TPRG1: variants seen among roughly 807,000 people sequenced by gnomAD.
The protein encoded by TPRG1 is tumor protein p63 regulated 1.
A neutral mutation model predicts 29.3 loss-of-function variants in TPRG1; 29 were observed. The ratio of observed to expected loss-of-function variants is 0.99; its 90% CI spans 0.74 to 1.35. TPRG1 has a LOEUF of 1.35. Ranked by LOEUF, TPRG1 falls within the 40% of genes most tolerant of loss-of-function variation. The pLI is 0.00. For synonymous variants in TPRG1, 130 were observed against 116.8 expected, an observed-to-expected ratio of 1.11 and a Z score of -0.73; for missense variants, 327 against 335.0, an observed-to-expected ratio of 0.98 and a Z score of 0.19.
intron 4 of TPRG1, among the ~76,000 whole-genome samples, chr3:189,278,640 T>G (rs1487814241): frequency 6.6e-6 from 1 of 152,244 alleles, no homozygotes; most frequent in Non-Finnish European, 1.5e-5. Flanking sequence ...CGTCAAGATC[T>G]AACATAGCCT....
At position 189,255,007 on chromosome 3, in the gene TPRG1, C is replaced by G. The variant is rs12492297; in HGVS notation, c.479+16098C>G. 2.6e-3 allele frequency among the ~76,000 whole-genome samples: 394 copies of G among 152,034 alleles called. 5 individuals carry two copies. Among genetic ancestry groups the G allele is most frequent in the Admixed American group, 0.023 (351 of 15,256 alleles). On this transcript the variant is annotated intron_variant, in intron 4 of 5. Transcript: ENST00000345063. ...ACTTCCTCTCTTCATATTTGAATACCCTTTATTTATTTCTCTTGCCTGATT... is the reference window on the plus strand; with the variant it reads ...ACTTCCTCTCTTCATATTTGAATACGCTTTATTTATTTCTCTTGCCTGATT...
At chr3:189,157,876 G>A (rs912706639) in intron 5 of TPRG1, among the ~76,000 whole-genome samples, 4 of 152,154 alleles carry the variant, frequency 2.6e-5, no homozygotes, top group African/African-American at 9.7e-5. Flanking sequence ...AATCTGGCCT[G>A]TCTGATAGCA....
intron 1 of TPRG1, among the ~76,000 whole-genome samples, chr3:189,197,919 T>C (rs1479087605): frequency 6.6e-6 from 1 of 152,170 alleles, no homozygotes; most frequent in African/African-American, 2.4e-5. Context: ...GTTAACCCCA[T>C]GAAATTCTTA....
chr3:189,296,227 A>G (rs906645818), intron 4 of TPRG1, among the ~76,000 whole-genome samples: 1 of 152,224 alleles, frequency 6.6e-6, no homozygotes, highest in African/African-American at 2.4e-5. Context: ...CAAAGATGGA[A>G]TTTAACTGTG....
At chr3:189,088,574 G>T (rs941242217) in intron 4 of TPRG1, among the ~76,000 whole-genome samples, 1 of 151,872 alleles carries the variant, frequency 6.6e-6, no homozygotes, top group East Asian at 1.9e-4. Context: ...CAAATGTCGG[G>T]GTTACTTCCA....
At chr3:189,067,793 C>A (rs1163890560) in intron 4 of TPRG1, among the ~76,000 whole-genome samples, 17 of 152,116 alleles carry the variant, frequency 1.1e-4, no homozygotes, top group Admixed American at 1.1e-3. Flanking sequence ...AACCCATAAG[C>A]ACAGGTAGTC....
intron 3 of TPRG1, among the ~76,000 whole-genome samples, chr3:189,016,922 A>T (rs2152123688): frequency 6.6e-6 from 1 of 152,278 alleles, no homozygotes; most frequent in East Asian, 1.9e-4. Context: ...TCTCTATAGC[A>T]GTGTGAAAAC....
intron 4 of TPRG1, among the ~76,000 whole-genome samples, chr3:189,286,194 CT>C (rs1007928812): frequency 6.6e-6 from 1 of 151,426 alleles, no homozygotes; most frequent in African/African-American, 2.4e-5. Flanking sequence ...ATCACTCCCT[CT>C]TTTTTTTTAG....
intron 4 of TPRG1, among the ~76,000 whole-genome samples, chr3:189,043,149 C>T (rs1483764794): frequency 6.6e-6 from 1 of 152,150 alleles, no homozygotes; most frequent in Non-Finnish European, 1.5e-5. Flanking sequence ...AGAAGGAAAA[C>T]TATATATAGA....
At chr3:189,141,590 C>T (rs2108568576) in intron 3 of TPRG1, among the ~76,000 whole-genome samples, 1 of 152,270 alleles carries the variant, frequency 6.6e-6, no homozygotes. Context: ...AAAATAATTA[C>T]ATTACTATGG....
chr3:189,122,208 C>T (rs570019600), intron 1 of TPRG1, among the ~76,000 whole-genome samples: 1 of 152,224 alleles, frequency 6.6e-6, no homozygotes, highest in African/African-American at 2.4e-5. Flanking sequence ...CATGTTCTTA[C>T]TCTTTTTAAA....
chr3:189,156,609 G>T (rs1461515294), intron 5 of TPRG1, among the ~76,000 whole-genome samples: 1 of 152,150 alleles, frequency 6.6e-6, no homozygotes, highest in Non-Finnish European at 1.5e-5. Flanking sequence ...TTCTGCTCGG[G>T]CTATGCTAAG....
intron 3 of TPRG1, among the ~76,000 whole-genome samples, chr3:189,019,310 A>T (rs1262247320): frequency 6.6e-6 from 1 of 152,110 alleles, no homozygotes; most frequent in South Asian, 2.1e-4. Flanking sequence ...GTCTTGTGCC[A>T]GTTTTCAAAG....
chr3:189,233,159 AGTGTGTAT>A (rs1389883730), intron 3 of TPRG1, among the ~76,000 whole-genome samples: 6 of 120,358 alleles, frequency 5.0e-5, no homozygotes, highest in East Asian at 4.3e-4. Context: ...ACCTCTACTG[AGTGTGTAT>A]GTGTGTGTGT....
chr3:189,172,140 A>G lies in TPRG1; in HGVS notation c.-10+9A>G, dbSNP rs140125711. On this transcript the variant is annotated intron_variant, in intron 1 of 5. Transcript: ENST00000345063. ...AGGACCAGCCTAGTCAGGTAAGATCAAGTGGCTTGTCACTGGTTCTGCAGA... is the reference window on the plus strand; with the variant it reads ...AGGACCAGCCTAGTCAGGTAAGATCGAGTGGCTTGTCACTGGTTCTGCAGA... 6.0e-4 allele frequency: 91 copies of G among 152,326 alleles called. No individual in the cohort carries two copies. Among genetic ancestry groups the G allele is most frequent in the African/African-American group, 2.0e-3 (85 of 41,570 alleles). 9.4% of individuals were successfully genotyped at this position (152,326 alleles called of 1,614,324 possible).
chr3:189,011,089 T>C (rs968263464), intron 3 of TPRG1, among the ~76,000 whole-genome samples: 33 of 152,156 alleles, frequency 2.2e-4, no homozygotes, highest in Admixed American at 2.0e-3. Flanking sequence ...TGTGGTCTCA[T>C]TTCTGTGTTT....
At chr3:188,997,623 C>A (rs147705337) in intron 1 of TPRG1, among the ~76,000 whole-genome samples, 59 of 152,216 alleles carry the variant, frequency 3.9e-4, no homozygotes, top group African/African-American at 1.2e-3. Flanking sequence ...TGGTCACCCT[C>A]GATCTGACTC....
At chr3:189,175,801 TTCTC>T (rs1476341743) in intron 1 of TPRG1, among the ~76,000 whole-genome samples, 2 of 152,298 alleles carry the variant, frequency 1.3e-5, no homozygotes, top group Middle Eastern at 3.4e-3. Context: ...TGGAAAAGGT[TTCTC>T]TCTCTCAAGA....
chr3:189,066,780 C>A (rs1441297486), intron 4 of TPRG1, among the ~76,000 whole-genome samples: 1 of 152,016 alleles, frequency 6.6e-6, no homozygotes, highest in East Asian at 1.9e-4. Context: ...ATGCCCCTTT[C>A]CCCAGTTATT....
Sources: gnomAD v4.1 joint callset for allele counts (sites outside exome capture counted in the v4.1 genomes callset) on GRCh38, gnomAD v4.1.1 for gene constraint, MANE v1.5 for transcripts, NCBI Gene and HGNC (gene_info 2026-07-23, HGNC 2026-07-21) for gene names.